S100PBP: variants seen among roughly 807,000 people sequenced by gnomAD.
The protein encoded by S100PBP is S100P-binding protein.
S100PBP carries 15 observed loss-of-function variants against 39.9 expected under a neutral mutation model. The ratio of observed to expected loss-of-function variants is 0.38; its 90% CI spans 0.25 to 0.58. The LOEUF is 0.58. Among genes scored for constraint, S100PBP ranks in the 20% least tolerant of loss-of-function variants. The pLI is 0.70. For synonymous variants in S100PBP, 178 were observed against 180.3 expected (o/e 0.99, Z 0.10); for missense variants, 504 against 487.3 (o/e 1.03, Z -0.32).
chr1:32,849,882 A>G (rs952362237), intron 5 of S100PBP, among the ~76,000 whole-genome samples: 2 of 152,170 alleles, frequency 1.3e-5, no homozygotes. Context: ...TTACAGTTTT[A>G]TATACTTTTG....
rs914089247 is a variant in S100PBP, at chr1:32,857,410, A to G, written c.*1372A>G. On this transcript the variant is annotated 3_prime_UTR_variant, in exon 7 of 7. Coordinates refer to ENST00000373475, the MANE Select transcript of S100PBP (RefSeq NM_022753.4). ...ACCACAACCTCCGCCTCCTGGGTTCAAGGGATTCTCCTGTCTTAGCCTCCT... is the reference window on the plus strand; with the variant it reads ...ACCACAACCTCCGCCTCCTGGGTTCGAGGGATTCTCCTGTCTTAGCCTCCT... 10 of 152,136 alleles carry G rather than the reference A, an allele frequency of 6.6e-5. No individual in the cohort carries two copies. The highest frequency in any genetic ancestry group is 2.4e-4 in the African/African-American group (10 of 41,412). The allele number at this position is 152,136 out of a possible 1,614,324, so 9.4% of individuals were successfully genotyped here. A position where few individuals can be genotyped will look rare whatever the true frequency, so the allele number is the denominator to read the frequency against.
intron 3 of S100PBP, among the ~76,000 whole-genome samples, chr1:32,827,180 C>G (rs992312070): frequency 6.6e-6 from 1 of 152,072 alleles, no homozygotes; most frequent in Non-Finnish European, 1.5e-5. Context: ...CATTTCTTAT[C>G]TAAATTGGAG....
chr1:32,826,507 C>T lies in S100PBP; in HGVS notation c.408C>T (p.Arg136=), dbSNP rs1219383653. 1 of 1,613,980 alleles carries T rather than the reference C, an allele frequency of 6.2e-7. No homozygotes were observed. Among genetic ancestry groups the T allele is most frequent in the Non-Finnish European group, 8.5e-7 (1 of 1,180,036 alleles). ...GPAHTKPLNR[R]SVLEKNLIKV... ...CTCATACTAAACCATTAAACAGACG[C>T]TCTGTACTAGAAAAGAATCTTATAA... Residue 136 remains arginine (R), a synonymous_variant, in exon 3 of 7, where the codon CGC becomes CGT. Transcript: ENST00000373475.
chr1:32,819,997 A>G (rs143124776), intron 1 of S100PBP, among the ~76,000 whole-genome samples: 25 of 152,258 alleles, frequency 1.6e-4, no homozygotes, highest in Non-Finnish European at 2.6e-4. Context: ...CGGATATTTC[A>G]GATGTCTACC....
intron 1 of S100PBP, chr1:32,818,799 A>G (rs1422650705): frequency 6.6e-6 from 1 of 152,112 alleles, no homozygotes; most frequent in African/African-American, 2.4e-5. Flanking sequence ...TGTTGTGCCT[A>G]TTTTTTATGG....
chr1:32,838,704 G>A (rs1306432756), intron 5 of S100PBP, among the ~76,000 whole-genome samples: 2 of 152,082 alleles, frequency 1.3e-5, no homozygotes, highest in East Asian at 1.9e-4. Context: ...TTAACCAGGC[G>A]TGGTGGCAGG....
chr1:32,854,515 A>G (rs1352248704), intron 6 of S100PBP, among the ~76,000 whole-genome samples: 7 of 152,210 alleles, frequency 4.6e-5, no homozygotes, highest in African/African-American at 1.7e-4. Context: ...ACCCATGGAT[A>G]TGGAGGGTCA....
rs911232120 is a variant in S100PBP, at chr1:32,842,341, T to C, written c.1025-10738T>C. Among the ~76,000 whole-genome samples the C allele has an allele frequency of 6.0e-5, 9 of 151,210 alleles. No homozygotes were observed. The East Asian group carries it at 9.7e-4, about 16-fold the overall frequency. On this transcript the variant is annotated intron_variant, in intron 5 of 6. Transcript: ENST00000373475. ...CTTCTTTACCATTTATTGAAAAGAC[T>C]GTCCATTCTGCATTGAATTGCCTTT...
intron 5 of S100PBP, among the ~76,000 whole-genome samples, chr1:32,851,446 A>G (rs1640602835): frequency 6.6e-6 from 1 of 152,192 alleles, no homozygotes; most frequent in Non-Finnish European, 1.5e-5. Context: ...TGGGTGGATC[A>G]CTTGAGGTCA....
At position 32,818,331 on chromosome 1, in the gene S100PBP, C is replaced by A. The variant is rs369276651; in HGVS notation, c.-120+642C>A. 6.6e-5 allele frequency among the ~76,000 whole-genome samples: 10 copies of A among 152,368 alleles called. No homozygotes were observed. The South Asian group carries it at 1.7e-3, about 25-fold the overall frequency. ...TTGCATTTGTGAGAGAGAGCCAAGG[C>A]AGTATCCTCCAAAGGTTGGGCCTGG... On this transcript the variant is annotated intron_variant, in intron 1 of 6. Coordinates refer to ENST00000373475, the MANE Select transcript of S100PBP (RefSeq NM_022753.4).
chr1:32,823,719 T>C (rs1639188133), intron 1 of S100PBP, among the ~76,000 whole-genome samples: 1 of 152,234 alleles, frequency 6.6e-6, no homozygotes, highest in South Asian at 2.1e-4. Flanking sequence ...TACCATTTTA[T>C]ATTATCTCAT....
chr1:32,830,858 C>A (rs2148654071), intron 5 of S100PBP, among the ~76,000 whole-genome samples: 1 of 152,182 alleles, frequency 6.6e-6, no homozygotes, highest in Admixed American at 6.5e-5. Context: ...CCAGCCTGGC[C>A]AGCATGGCAA....
chr1:32,838,936 T>C (rs1306963285), intron 5 of S100PBP, among the ~76,000 whole-genome samples: 14 of 152,192 alleles, frequency 9.2e-5, no homozygotes, highest in African/African-American at 3.1e-4. Flanking sequence ...TTCAATAATT[T>C]CTTGGTCTTG....
intron 1 of S100PBP, chr1:32,818,935 A>G (rs1638906115): frequency 6.6e-6 from 1 of 152,224 alleles, no homozygotes; most frequent in Admixed American, 6.5e-5. Flanking sequence ...TCTTGGCTGT[A>G]CCTGTCAGAC....
chr1:32,826,417 A>G lies in S100PBP; in HGVS notation c.318A>G (p.Pro106=), dbSNP rs777908073. 4.3e-6 allele frequency: 7 copies of G among 1,614,052 alleles called. No individual in the cohort carries two copies. Among genetic ancestry groups the G allele is most frequent in the Admixed American group, 1.7e-5 (1 of 59,990 alleles). ...REKNSSYSLG[P]VAETPDLFKL... ...AAAATTCATCGTACAGCCTGGGACC[A>G]GTAGCTGAGACTCCTGACCTCTTCA... Residue 106 remains proline, a synonymous_variant, in exon 3 of 7, where the codon CCA becomes CCG. Coordinates refer to ENST00000373475, the MANE Select transcript of S100PBP (RefSeq NM_022753.4).
At position 32,828,727 on chromosome 1, in the gene S100PBP, G is replaced by A. The variant is rs59627102; in HGVS notation, c.920+646G>A. Among the ~76,000 whole-genome samples the A allele has an allele frequency of 3.7e-4, 56 of 152,226 alleles. No homozygotes were observed. The East Asian group carries it at 9.5e-3, about 26-fold the overall frequency. ...CTTAAAAAATTTAATTAGGCCGGGC[G>A]CGGTGGCTCACACCTGTAATCCCAG... On this transcript the variant is annotated intron_variant, in intron 4 of 6. Coordinates refer to ENST00000373475, the MANE Select transcript of S100PBP (RefSeq NM_022753.4).
rs1012307359 is a variant in S100PBP at position 32,856,171 on chromosome 1, C to T, written c.*133C>T. Reference sequence around the variant, plus strand: ...TCACAAAATTTTTATTTAAAAAACTCGTCACCTTTTGGAAATGCCCATTGC... The same window carrying T: ...TCACAAAATTTTTATTTAAAAAACTTGTCACCTTTTGGAAATGCCCATTGC... On this transcript the variant is annotated 3_prime_UTR_variant, in exon 7 of 7. Transcript: ENST00000373475. 3.4e-5 allele frequency: 19 copies of T among 562,456 alleles called. No homozygotes were observed. The highest frequency in any genetic ancestry group is 6.4e-5 in the East Asian group (2 of 31,490). The allele number at this position is 562,456 out of a possible 1,614,324, so 34.8% of individuals were successfully genotyped here.
chr1:32,849,117 A>G (rs935527432), intron 5 of S100PBP, among the ~76,000 whole-genome samples: 2 of 152,038 alleles, frequency 1.3e-5, no homozygotes, highest in African/African-American at 2.4e-5. Flanking sequence ...GATTTACTAG[A>G]TGATAGATGA....
intron 5 of S100PBP, among the ~76,000 whole-genome samples, chr1:32,850,979 G>A (rs949738924): frequency 6.6e-6 from 1 of 152,178 alleles, no homozygotes; most frequent in African/African-American, 2.4e-5. Context: ...CACGCTGTGT[G>A]CCATAGCAAT....
Sources: allele counts gnomAD v4.1 joint callset (sites outside exome capture counted in the v4.1 genomes callset), GRCh38; gene constraint gnomAD v4.1.1; transcripts MANE v1.5; gene names NCBI Gene and HGNC (gene_info 2026-07-23, HGNC 2026-07-21).